Variants in RAB3B observed in about 807,000 individuals in gnomAD.
RAB3B encodes the protein ras-related protein Rab-3B.
In RAB3B, 11 loss-of-function variants were observed where a neutral mutation model predicts 20.5. The ratio of observed to expected loss-of-function variants is 0.54; its 90% CI spans 0.34 to 0.89. RAB3B has a LOEUF of 0.89. Ranked by LOEUF, RAB3B falls within the 40% of genes least tolerant of loss-of-function variation. The pLI is 0.02. For missense variants in RAB3B, 225 were observed against 280.9 expected (o/e 0.80, Z 1.42); for synonymous variants, 99 against 106.3 (o/e 0.93, Z 0.42).
chr1:51,989,091 A>C (rs1571984656), intron 1 of RAB3B, among the ~76,000 whole-genome samples: 5 of 85,354 alleles, frequency 5.9e-5, no homozygotes, highest in East Asian at 4.2e-4. Context: ...GTGGACACCC[A>C]CCTGTGCGCG....
intron 4 of RAB3B, among the ~76,000 whole-genome samples, chr1:51,928,606 G>T (rs746329995): frequency 6.6e-6 from 1 of 152,158 alleles, no homozygotes; most frequent in Non-Finnish European, 1.5e-5. Flanking sequence ...GGTGAGGAAG[G>T]CTGAACATCC....
intron 4 of RAB3B, among the ~76,000 whole-genome samples, chr1:51,920,986 T>G (rs1193689742): frequency 6.6e-6 from 1 of 152,092 alleles, no homozygotes; most frequent in African/African-American, 2.4e-5. Context: ...TATGCAACAT[T>G]CTTGTCTATT....
At chr1:51,931,988 C>T in intron 4 of RAB3B, among the ~76,000 whole-genome samples, 1 of 152,124 alleles carries the variant, frequency 6.6e-6, no homozygotes, top group Non-Finnish European at 1.5e-5. Context: ...GTCAATGGAC[C>T]ACATGGAGGC....
chr1:51,927,463 T>C (rs1232081940), intron 4 of RAB3B, among the ~76,000 whole-genome samples: 5 of 152,216 alleles, frequency 3.3e-5, no homozygotes, highest in African/African-American at 1.2e-4. Context: ...TACACTATGC[T>C]GGTATGTGTG....
At chr1:51,964,302 T>G (rs1261063715) in intron 2 of RAB3B, among the ~76,000 whole-genome samples, 1 of 152,206 alleles carries the variant, frequency 6.6e-6, no homozygotes, top group African/African-American at 2.4e-5. Flanking sequence ...CTATCTTCAC[T>G]TGGCTGCCAG....
intron 2 of RAB3B, among the ~76,000 whole-genome samples, chr1:51,960,839 G>T (rs1394565957): frequency 6.6e-6 from 1 of 152,184 alleles, no homozygotes; most frequent in East Asian, 1.9e-4. Flanking sequence ...ATCAGTCACA[G>T]TAGTACAGCA....
chr1:51,939,965 C>T (rs942832620), intron 2 of RAB3B, among the ~76,000 whole-genome samples: 5 of 152,228 alleles, frequency 3.3e-5, no homozygotes, highest in African/African-American at 4.8e-5. Context: ...ATCTACTGAA[C>T]ACCATCTATA....
At chr1:51,969,240 T>C (rs534547890) in intron 2 of RAB3B, among the ~76,000 whole-genome samples, 15 of 152,316 alleles carry the variant, frequency 9.8e-5, no homozygotes, top group African/African-American at 3.6e-4. Context: ...GAGGCTGCAG[T>C]AAACCATGAG....
At chr1:51,971,270 A>C (rs1040736151) in intron 2 of RAB3B, among the ~76,000 whole-genome samples, 1 of 151,770 alleles carries the variant, frequency 6.6e-6, no homozygotes, top group Non-Finnish European at 1.5e-5. Context: ...TTGTGTACAG[A>C]AGTGATATGT....
intron 2 of RAB3B, among the ~76,000 whole-genome samples, chr1:51,942,963 T>G (rs12047634): frequency 0.016 from 2,478 of 152,286 alleles, 69 homozygotes; most frequent in East Asian, 0.094. Flanking sequence ...ACACCCATAT[T>G]AAGGCAGTGA....
chr1:51,962,397 G>C (rs1684795979), intron 2 of RAB3B, among the ~76,000 whole-genome samples: 1 of 152,178 alleles, frequency 6.6e-6, no homozygotes, highest in Non-Finnish European at 1.5e-5. Context: ...GGGATGCCAG[G>C]CATTCAGAAT....
chr1:51,956,711 G>A (rs577257188), intron 2 of RAB3B, among the ~76,000 whole-genome samples: 3 of 152,260 alleles, frequency 2.0e-5, no homozygotes, highest in Admixed American at 2.0e-4. Flanking sequence ...CAGCTCAAAT[G>A]CTTCCTCCTG....
intron 4 of RAB3B, among the ~76,000 whole-genome samples, chr1:51,929,150 A>C (rs954926213): frequency 1.4e-5 from 2 of 148,022 alleles, no homozygotes; most frequent in Non-Finnish European, 2.9e-5. Context: ...TGGGAGAGAG[A>C]AGGTCTCTTT....
chr1:51,926,781 A>ACT (rs1255496129), intron 4 of RAB3B, among the ~76,000 whole-genome samples: 2 of 152,188 alleles, frequency 1.3e-5, no homozygotes, highest in Non-Finnish European at 2.9e-5. Context: ...CCTGCCATCT[A>ACT]CTACTTACAT....
chr1:51,969,615 AG>A (rs1469558399), intron 2 of RAB3B, among the ~76,000 whole-genome samples: 2 of 61,142 alleles, frequency 3.3e-5, no homozygotes, highest in South Asian at 5.8e-4. Flanking sequence ...ATGAGTAATA[AG>A]GCTTTTTTTT....
intron 1 of RAB3B, among the ~76,000 whole-genome samples, chr1:51,982,510 T>C (rs1685100734): frequency 6.6e-6 from 1 of 152,160 alleles, no homozygotes. Context: ...CCCCAGACTT[T>C]GGGAGGCCGA....
At chr1:51,925,124 C>G (rs531259949) in intron 4 of RAB3B, among the ~76,000 whole-genome samples, 2 of 152,302 alleles carry the variant, frequency 1.3e-5, no homozygotes, top group African/African-American at 4.8e-5. Flanking sequence ...CAGAAACTTG[C>G]AACCAGCTAA....
chr1:51,932,216 G>A (rs1397132135), intron 4 of RAB3B, among the ~76,000 whole-genome samples: 2 of 152,048 alleles, frequency 1.3e-5, no homozygotes, highest in Non-Finnish European at 2.9e-5. Context: ...CCACCTATAA[G>A]CCCAAATATC....
chr1:51,989,755 C>G (rs889081012), intron 1 of RAB3B, among the ~76,000 whole-genome samples: 2 of 151,646 alleles, frequency 1.3e-5, no homozygotes, highest in African/African-American at 4.8e-5. Flanking sequence ...AGGGTAGACC[C>G]AACCTGGCCT....
Sources: allele counts gnomAD v4.1 joint callset (sites outside exome capture counted in the v4.1 genomes callset), GRCh38; gene constraint gnomAD v4.1.1; transcripts MANE v1.5; gene names NCBI Gene and HGNC (gene_info 2026-07-23, HGNC 2026-07-21).